Variants in CCDC71L observed in about 807,000 individuals in gnomAD.
CCDC71L encodes coiled-coil domain-containing protein 71L.
In CCDC71L, 6 loss-of-function variants were observed where a neutral mutation model predicts 10.2. That is an observed-to-expected ratio of 0.59 (90% CI 0.32 to 1.16). The LOEUF (loss-of-function observed/expected upper bound fraction) is 1.16. Ranked by LOEUF, CCDC71L falls within the 50% of genes most tolerant of loss-of-function variation. The pLI, the probability that CCDC71L is intolerant of heterozygous loss-of-function variation, is 0.05. For missense variants in CCDC71L, 366 were observed against 383.4 expected (o/e 0.95, Z 0.38); for synonymous variants, 204 against 175.5 (o/e 1.16, Z -1.28).
At position 106,655,593 on chromosome 7, in the gene CCDC71L, C is replaced by G. The variant is rs1271237730; in HGVS notation, c.*4596G>C. Reference sequence around the variant, plus strand: ...CTCTAAGCAAATATGTAGTCCAAAACTTTTGTAAGTTCTTGGATCAACAGC... The same window carrying G: ...CTCTAAGCAAATATGTAGTCCAAAAGTTTTGTAAGTTCTTGGATCAACAGC... On this transcript the variant is annotated 3_prime_UTR_variant, in exon 1 of 1. Transcript: ENST00000523505. Among the ~76,000 whole-genome samples the G allele has an allele frequency of 6.6e-6, 1 of 152,096 alleles. No homozygotes were observed.
In CCDC71L at chr7:106,658,488, C is replaced by G. The variant is rs1792528710; in HGVS notation, c.*1701G>C. 1 of 152,118 alleles carries G rather than the reference C, an allele frequency of 6.6e-6. No homozygotes were observed. Among genetic ancestry groups the G allele is most frequent in the African/African-American group, 2.4e-5 (1 of 41,390 alleles). The allele number at this position is 152,118 out of a possible 1,614,324, so 9.4% of individuals were successfully genotyped here. A position where few individuals can be genotyped will look rare whatever the true frequency, so the allele number is the denominator to read the frequency against. On this transcript the variant is annotated 3_prime_UTR_variant, in exon 1 of 1. Coordinates refer to ENST00000523505, the MANE Select transcript of CCDC71L (RefSeq NM_175884.6). ...CTATGCCATTTGAATTCTAGGAACG[C>G]AAGAGTCAAAATTGTAACTCTCATT... is the stretch of plus-strand genomic sequence containing the variant.
At position 106,660,484 on chromosome 7, in the gene CCDC71L, C is replaced by T. The variant is rs896695000; in HGVS notation, c.413G>A (p.Arg138Gln). ...AAARRRRRGA[R>Q]AAAARRRKPR... ...CTTCCTCCTGCGGGCAGCGGCCGCCCGGGCTCCGCGGCGCCTCCTCCTGGC... is the reference window on the plus strand; with the variant it reads ...CTTCCTCCTGCGGGCAGCGGCCGCCTGGGCTCCGCGGCGCCTCCTCCTGGC... The change falls in exon 1 of 1, where the codon CGG (arginine) becomes CAG (glutamine). Residue 138 changes from arginine (R) to glutamine (Q), a missense_variant. By Grantham distance (43) the Arg-to-Gln change is conservative (BLOSUM62 1). Coordinates refer to ENST00000523505, the MANE Select transcript of CCDC71L (RefSeq NM_175884.6). The surrounding 1 kb of genome is among the most constrained non-coding windows in gnomAD (Gnocchi z 7.5). The T allele has an allele frequency of 6.5e-6, 8 of 1,226,114 alleles. No individual in the cohort carries two copies. The East Asian group carries it at 1.3e-4, about 20-fold the overall frequency. 76.0% of individuals were successfully genotyped at this position (1,226,114 alleles called of 1,614,324 possible). A position where few individuals can be genotyped will look rare whatever the true frequency, so the allele number is the denominator to read the frequency against.
Position 106,660,421 on chromosome 7 carries a change from T to C in CCDC71L, c.476A>G (p.Glu159Gly). Residue 159 changes from glutamate (E) to glycine (G), a missense_variant, in exon 1 of 1, where the codon GAG (glutamate) becomes GGG (glycine). Glu to Gly is a moderately conservative substitution (Grantham distance 98). Coordinates refer to ENST00000523505, the MANE Select transcript of CCDC71L (RefSeq NM_175884.6). This position sits in a 1 kb window ranked among gnomAD's most constrained non-coding sequence, Gnocchi z 7.5. ...PPPPPPPPPE[E>G]SCPAKPVAPG... ...GGCCACGGGCTTGGCCGGGCAGCTC[T>C]CCTCGGGGGGCGGCGGCGGTGGGGG... The C allele has an allele frequency of 8.1e-7, 1 of 1,236,604 alleles. No homozygotes were observed. The highest frequency in any genetic ancestry group is 1.0e-6 in the Non-Finnish European group (1 of 990,754). 76.6% of individuals were successfully genotyped at this position (1,236,604 alleles called of 1,614,324 possible). A position where few individuals can be genotyped will look rare whatever the true frequency, so the allele number is the denominator to read the frequency against.
At position 106,660,168 on chromosome 7, in the gene CCDC71L, A is replaced by G; in HGVS notation, c.*21T>C. The G allele has an allele frequency of 6.6e-7, 1 of 1,512,628 alleles. No individual in the cohort carries two copies. Among genetic ancestry groups the G allele is most frequent in the Non-Finnish European group, 8.8e-7 (1 of 1,141,670 alleles). 93.7% of individuals were successfully genotyped at this position (1,512,628 alleles called of 1,614,324 possible). ...CTGTCCCAAGGTCGGGGCCGGCAGG[A>G]GGCGCCCTGGAGGCCGCACCTCATG... On this transcript the variant is annotated 3_prime_UTR_variant, in exon 1 of 1. Transcript: ENST00000523505. The surrounding 1 kb of genome is among the most constrained non-coding windows in gnomAD (Gnocchi z 7.5).
rs573272605 is a variant in CCDC71L, at chr7:106,654,834, A to C, written c.*5355T>G. Among the ~76,000 whole-genome samples, 1 of 152,212 alleles carries C rather than the reference A, an allele frequency of 6.6e-6. No individual in the cohort carries two copies. Among genetic ancestry groups the C allele is most frequent in the African/African-American group, 2.4e-5 (1 of 41,534 alleles). ...TGCTTCAATAATTTTTTTACTCTGT[A>C]AGATTTAGAACCCTAAGCCACACTC... On this transcript the variant is annotated 3_prime_UTR_variant, in exon 1 of 1. Transcript: ENST00000523505.
chr7:106,658,372 T>A lies in CCDC71L; in HGVS notation c.*1817A>T, dbSNP rs1423732178. Reference sequence around the variant, plus strand: ...AGTTATATATATGTGTGTATATATATATCATATTATTTCTTTTAACAAGAA... The same window carrying A: ...AGTTATATATATGTGTGTATATATAAATCATATTATTTCTTTTAACAAGAA... On this transcript the variant is annotated 3_prime_UTR_variant, in exon 1 of 1. Transcript: ENST00000523505. 2 of 152,192 alleles carry A rather than the reference T, an allele frequency of 1.3e-5. No homozygotes were observed. Among genetic ancestry groups the A allele is most frequent in the East Asian group, 3.8e-4 (2 of 5,200 alleles). The allele number at this position is 152,192 out of a possible 1,614,324, so 9.4% of individuals were successfully genotyped here. A position where few individuals can be genotyped will look rare whatever the true frequency, so the allele number is the denominator to read the frequency against.
Position 106,660,819 on chromosome 7 carries a change from C to G in CCDC71L, c.78G>C (p.Arg26Ser), listed in dbSNP as rs1415401652. The change falls in exon 1 of 1, where the codon AGG (arginine) becomes AGC (serine). Residue 26 changes from arginine (R) to serine (S), a missense_variant. Transcript: ENST00000523505. The surrounding 1 kb of genome is among the most constrained non-coding windows in gnomAD (Gnocchi z 7.5). ...PATAARGGDFRAEDGAGLEAR... is the reference protein window; with the variant it reads ...PATAARGGDFSAEDGAGLEAR... The stretch of plus-strand genomic sequence containing the variant: ...CCTCCAACCCAGCCCCGTCTTCTGC[C>G]CTAAAGTCGCCGCCCCGGGCGGCCG... 6.5e-7 allele frequency: 1 copy of G among 1,534,436 alleles called. No individual in the cohort carries two copies. The highest frequency in any genetic ancestry group is 2.1e-5 in the Admixed American group (1 of 48,556).
Position 106,660,949 on chromosome 7 carries a change from C to A in CCDC71L, c.-53G>T. On this transcript the variant is annotated 5_prime_UTR_variant, in exon 1 of 1. Transcript: ENST00000523505. The surrounding 1 kb of genome is among the most constrained non-coding windows in gnomAD (Gnocchi z 7.5). ...CGCCGGGTCCCACTACTGCCGCCGC[C>A]GTCCCAGTCCGCGTTGGCTCCGCGG... is the stretch of plus-strand genomic sequence containing the variant. The A allele has an allele frequency of 7.7e-7, 1 of 1,302,458 alleles. No homozygotes were observed. Among genetic ancestry groups the A allele is most frequent in the South Asian group, 2.3e-5 (1 of 42,818 alleles). 80.7% of individuals were successfully genotyped at this position (1,302,458 alleles called of 1,614,324 possible).
In CCDC71L at chr7:106,660,135, C is replaced by G. The variant is rs566642557; in HGVS notation, c.*54G>C. On this transcript the variant is annotated 3_prime_UTR_variant, in exon 1 of 1. Coordinates refer to ENST00000523505, the MANE Select transcript of CCDC71L (RefSeq NM_175884.6). The surrounding 1 kb of genome is among the most constrained non-coding windows in gnomAD (Gnocchi z 7.5). Reference sequence around the variant, plus strand: ...ACTGACACTTGTTCATTCCTCCGGGCGGAAGGCCTGTCCCAAGGTCGGGGC... The same window carrying G: ...ACTGACACTTGTTCATTCCTCCGGGGGGAAGGCCTGTCCCAAGGTCGGGGC... The G allele has an allele frequency of 2.1e-6, 3 of 1,449,212 alleles. No homozygotes were observed. The highest frequency in any genetic ancestry group is 2.6e-5 in the Admixed American group (1 of 38,062). 89.8% of individuals were successfully genotyped at this position (1,449,212 alleles called of 1,614,324 possible).
Position 106,660,481 on chromosome 7 carries a change from G to T in CCDC71L, c.416C>A (p.Ala139Glu). 8.2e-7 allele frequency: 1 copy of T among 1,224,868 alleles called. No individual in the cohort carries two copies. The highest frequency in any genetic ancestry group is 1.0e-6 in the Non-Finnish European group (1 of 984,388). The allele number at this position is 1,224,868 out of a possible 1,614,324, so 75.9% of individuals were successfully genotyped here. A position where few individuals can be genotyped will look rare whatever the true frequency, so the allele number is the denominator to read the frequency against. Residue 139 changes from alanine to glutamate, a missense_variant, in exon 1 of 1, where the codon GCG (alanine) becomes GAG (glutamate). Physicochemically the swap from Ala to Glu is moderately radical, Grantham distance 107. Coordinates refer to ENST00000523505, the MANE Select transcript of CCDC71L (RefSeq NM_175884.6). This position sits in a 1 kb window ranked among gnomAD's most constrained non-coding sequence, Gnocchi z 7.5. Reference protein sequence around the residue: ...AARRRRRGARAAAARRRKPRP... With the variant: ...AARRRRRGAREAAARRRKPRP... ...GGGCTTCCTCCTGCGGGCAGCGGCC[G>T]CCCGGGCTCCGCGGCGCCTCCTCCT...
In CCDC71L at chr7:106,656,704, G is replaced by A. The variant is rs534665540; in HGVS notation, c.*3485C>T. 6.6e-6 allele frequency: 1 copy of A among 152,102 alleles called. No individual in the cohort carries two copies. The highest frequency in any genetic ancestry group is 2.1e-4 in the South Asian group (1 of 4,820). The allele number at this position is 152,102 out of a possible 1,614,324, so 9.4% of individuals were successfully genotyped here. ...AATTGTAAATTAAGATGTTTTCTGAGTCACATACAAATACAAAATACCATT... is the reference window on the plus strand; with the variant it reads ...AATTGTAAATTAAGATGTTTTCTGAATCACATACAAATACAAAATACCATT... On this transcript the variant is annotated 3_prime_UTR_variant, in exon 1 of 1. Coordinates refer to ENST00000523505, the MANE Select transcript of CCDC71L (RefSeq NM_175884.6).
rs1227007157 is a variant in CCDC71L, at chr7:106,659,088, T to G, written c.*1101A>C. 1.3e-5 allele frequency: 2 copies of G among 152,218 alleles called. No individual in the cohort carries two copies. The highest frequency in any genetic ancestry group is 2.9e-5 in the Non-Finnish European group (2 of 68,038). 9.4% of individuals were successfully genotyped at this position (152,218 alleles called of 1,614,324 possible). On this transcript the variant is annotated 3_prime_UTR_variant, in exon 1 of 1. Transcript: ENST00000523505. ...TCCACCCCTCTTGATCATTAATAGT[T>G]CTAAGAATTCTAATGGGTATTCTGT...
Position 106,655,872 on chromosome 7 carries a change from G to C in CCDC71L, c.*4317C>G, listed in dbSNP as rs913564007. The stretch of plus-strand genomic sequence containing the variant: ...CTTCATTTATCTTACAGCTTTCCCA[G>C]AGCCACACAATATTCTTGGGATGCT... On this transcript the variant is annotated 3_prime_UTR_variant, in exon 1 of 1. Transcript: ENST00000523505. Among the ~76,000 whole-genome samples, 1 of 152,056 alleles carries C rather than the reference G, an allele frequency of 6.6e-6. No homozygotes were observed. Among genetic ancestry groups the C allele is most frequent in the African/African-American group, 2.4e-5 (1 of 41,392 alleles).
At position 106,660,492 on chromosome 7, in the gene CCDC71L, G is replaced by A; in HGVS notation, c.405C>T (p.Arg135=). Residue 135 remains arginine, a synonymous_variant, in exon 1 of 1, where the codon CGC becomes CGT. Transcript: ENST00000523505. The surrounding 1 kb of genome is among the most constrained non-coding windows in gnomAD (Gnocchi z 7.5). ...TGCGGGCAGCGGCCGCCCGGGCTCC[G>A]CGGCGCCTCCTCCTGGCCGCTGCGC... ...VPRAAARRRR[R]GARAAAARRR... is the part of the protein sequence containing the mutation. 2.4e-6 allele frequency: 3 copies of A among 1,231,616 alleles called. No homozygotes were observed. Among genetic ancestry groups the A allele is most frequent in the Non-Finnish European group, 3.0e-6 (3 of 987,526 alleles). 76.3% of individuals were successfully genotyped at this position (1,231,616 alleles called of 1,614,324 possible). A position where few individuals can be genotyped will look rare whatever the true frequency, so the allele number is the denominator to read the frequency against.
chr7:106,657,922 A>G lies in CCDC71L; in HGVS notation c.*2267T>C, dbSNP rs1792517485. Reference sequence around the variant, plus strand: ...AAATAAATGAATGGTGTCAGTGGTTATGTTTCAGTGGTGTGCTGAGCAGTT... The same window carrying G: ...AAATAAATGAATGGTGTCAGTGGTTGTGTTTCAGTGGTGTGCTGAGCAGTT... On this transcript the variant is annotated 3_prime_UTR_variant, in exon 1 of 1. Transcript: ENST00000523505. 6.6e-6 allele frequency: 1 copy of G among 152,190 alleles called. No individual in the cohort carries two copies. Among genetic ancestry groups the G allele is most frequent in the African/African-American group, 2.4e-5 (1 of 41,464 alleles). The allele number at this position is 152,190 out of a possible 1,614,324, so 9.4% of individuals were successfully genotyped here. A position where few individuals can be genotyped will look rare whatever the true frequency, so the allele number is the denominator to read the frequency against.
Position 106,657,390 on chromosome 7 carries a change from G to A in CCDC71L, c.*2799C>T, listed in dbSNP as rs1342429169. The A allele has an allele frequency of 6.6e-6, 1 of 152,154 alleles. No homozygotes were observed. Among genetic ancestry groups the A allele is most frequent in the Non-Finnish European group, 1.5e-5 (1 of 68,016 alleles). 9.4% of individuals were successfully genotyped at this position (152,154 alleles called of 1,614,324 possible). ...AAATCAAATAAAAGCATAGCGAGGT[G>A]ATGAATTTCCTCCTGGCTTCCCCCT... is the stretch of plus-strand genomic sequence containing the variant. On this transcript the variant is annotated 3_prime_UTR_variant, in exon 1 of 1. Transcript: ENST00000523505.
In CCDC71L at chr7:106,660,321, G is replaced by A. The variant is rs1239585952; in HGVS notation, c.576C>T (p.Pro192=). Residue 192 remains proline (P), a synonymous_variant, in exon 1 of 1, where the codon CCC becomes CCT. Transcript: ENST00000523505. This position sits in a 1 kb window ranked among gnomAD's most constrained non-coding sequence, Gnocchi z 7.5. ...ACACGTCGCTGCCGACGCGGATGGT[G>A]GGGAAGGTGGTCAGCGTCGGGGTGG... ...RAATPTLTTF[P]TIRVGSDVWG... 33 of 1,522,564 alleles carry A rather than the reference G, an allele frequency of 2.2e-5. No homozygotes were observed. The highest frequency in any genetic ancestry group is 2.8e-5 in the Non-Finnish European group (32 of 1,145,172). 94.3% of individuals were successfully genotyped at this position (1,522,564 alleles called of 1,614,324 possible). A position where few individuals can be genotyped will look rare whatever the true frequency, so the allele number is the denominator to read the frequency against.
chr7:106,655,993 C>A lies in CCDC71L; in HGVS notation c.*4196G>T, dbSNP rs1378122809. Among the ~76,000 whole-genome samples the A allele has an allele frequency of 6.6e-6, 1 of 152,144 alleles. No individual in the cohort carries two copies. The highest frequency in any genetic ancestry group is 1.5e-5 in the Non-Finnish European group (1 of 68,006). Reference sequence around the variant, plus strand: ...TATAATTAAGAGCATTTATTTAGTACTTCCTATGTGTCTAGCATTACTACC... The same window carrying A: ...TATAATTAAGAGCATTTATTTAGTAATTCCTATGTGTCTAGCATTACTACC... On this transcript the variant is annotated 3_prime_UTR_variant, in exon 1 of 1. Coordinates refer to ENST00000523505, the MANE Select transcript of CCDC71L (RefSeq NM_175884.6).
At position 106,656,895 on chromosome 7, in the gene CCDC71L, C is replaced by G. The variant is rs927314820; in HGVS notation, c.*3294G>C. On this transcript the variant is annotated 3_prime_UTR_variant, in exon 1 of 1. Transcript: ENST00000523505. The stretch of plus-strand genomic sequence containing the variant: ...TGATTCCATTACAAACAATTGTTTT[C>G]TAATGCGCTTAAGACATAACACTCT... 1.3e-5 allele frequency: 2 copies of G among 152,142 alleles called. No individual in the cohort carries two copies. Among genetic ancestry groups the G allele is most frequent in the South Asian group, 4.1e-4 (2 of 4,826 alleles). 9.4% of individuals were successfully genotyped at this position (152,142 alleles called of 1,614,324 possible).
Sources: allele counts gnomAD v4.1 joint callset (sites outside exome capture counted in the v4.1 genomes callset), GRCh38; gene constraint gnomAD v4.1.1; non-coding constraint Gnocchi (gnomAD v3.1); transcripts MANE v1.5; gene names NCBI Gene and HGNC (gene_info 2026-07-23, HGNC 2026-07-21).